ADAM12: variants seen among roughly 807,000 people sequenced by gnomAD.
ADAM12 encodes the protein ADAM metallopeptidase domain 12.
In ADAM12, 70 loss-of-function variants were observed where a neutral mutation model predicts 106.4. The observed-to-expected ratio is 0.66, with a 90% CI of 0.54 to 0.80. The LOEUF (loss-of-function observed/expected upper bound fraction) is 0.80. Among genes scored for constraint, ADAM12 ranks in the 30% least tolerant of loss-of-function variants. The pLI is 0.00. For synonymous variants in ADAM12, 420 were observed against 433.5 expected (o/e 0.97, Z 0.39); for missense variants, 1,010 against 1,171.9 (o/e 0.86, Z 2.02).
chr10:126,189,059 T>C (rs1957450509), intron 3 of ADAM12, among the ~76,000 whole-genome samples: 1 of 152,148 alleles, frequency 6.6e-6, no homozygotes, highest in Non-Finnish European at 1.5e-5. Flanking sequence ...GTCCCTTTTC[T>C]CAAGAAGCCC....
At chr10:126,311,486 G>A (rs776049912) in intron 2 of ADAM12, among the ~76,000 whole-genome samples, 9 of 152,046 alleles carry the variant, frequency 5.9e-5, no homozygotes, top group Admixed American at 2.0e-4. Flanking sequence ...AATTTCTCGG[G>A]TGACAGGAAC....
chr10:126,034,645 C>G (rs1025790755), intron 21 of ADAM12, among the ~76,000 whole-genome samples: 3 of 152,080 alleles, frequency 2.0e-5, no homozygotes, highest in Non-Finnish European at 4.4e-5. Context: ...ATGAAAAAAT[C>G]TATATGCTGT....
intron 21 of ADAM12, among the ~76,000 whole-genome samples, chr10:126,021,203 TG>T (rs1953760995): frequency 6.6e-6 from 1 of 152,088 alleles, no homozygotes; most frequent in East Asian, 1.9e-4. Context: ...GAATGTCTGT[TG>T]GAAATGGTGC....
At chr10:126,355,142 C>T (rs1855494192) in intron 1 of ADAM12, among the ~76,000 whole-genome samples, 1 of 152,006 alleles carries the variant, frequency 6.6e-6, no homozygotes, top group East Asian at 1.9e-4. Context: ...CTTTTATTAT[C>T]AAGAAATATG....
At chr10:126,164,377 C>A (rs1956988908) in intron 3 of ADAM12, among the ~76,000 whole-genome samples, 1 of 152,136 alleles carries the variant, frequency 6.6e-6, no homozygotes, top group Non-Finnish European at 1.5e-5. Flanking sequence ...CCTGGTGGAT[C>A]CATTTGGTAT....
intron 8 of ADAM12, among the ~76,000 whole-genome samples, chr10:126,103,568 G>A (rs192317289): frequency 6.6e-6 from 1 of 152,334 alleles, no homozygotes; most frequent in East Asian, 1.9e-4. Context: ...CAACTCCATG[G>A]CTGGGGTTGG....
At chr10:126,206,854 TGGG>T (rs145374984) in intron 3 of ADAM12, among the ~76,000 whole-genome samples, 1,125 of 81,852 alleles carry the variant, frequency 0.014, 61 homozygotes, top group African/African-American at 0.044. Context: ...CCATGTGTTG[TGGG>T]GGCGGGGGGG....
intron 1 of ADAM12, among the ~76,000 whole-genome samples, chr10:126,380,433 A>G (rs2133934566): frequency 6.6e-6 from 1 of 152,320 alleles, no homozygotes; most frequent in South Asian, 2.1e-4. Context: ...CGTGAGGTAG[A>G]CTAGATTGCC....
chr10:126,272,856 C>G (rs1198121282), intron 3 of ADAM12: 2 of 404,050 alleles, frequency 4.9e-6, no homozygotes, highest in East Asian at 1.6e-4. Flanking sequence ...ATGGCTTCTA[C>G]AGTGTGCTCC....
chr10:126,090,472 C>T lies in ADAM12; in HGVS notation c.1145+3513G>A, dbSNP rs146792367. On this transcript the variant is annotated intron_variant, in intron 11 of 22. Transcript: ENST00000448723. The stretch of plus-strand genomic sequence containing the variant: ...TTCTTACTCCTATAAATGCAGCATA[C>T]GTAGCCCTCACCTCCCTAAGACCAA... 1.5e-3 allele frequency among the ~76,000 whole-genome samples: 231 copies of T among 152,242 alleles called. 1 individual carries two copies. Among genetic ancestry groups the T allele is most frequent in the African/African-American group, 4.9e-3 (204 of 41,536 alleles).
intron 3 of ADAM12, among the ~76,000 whole-genome samples, chr10:126,268,888 T>C (rs1345099748): frequency 6.6e-6 from 1 of 152,112 alleles, no homozygotes; most frequent in Non-Finnish European, 1.5e-5. Flanking sequence ...CAAAAGAGGG[T>C]TCTTGGATCT....
At position 126,095,402 on chromosome 10, in the gene ADAM12, C is replaced by T. The variant is rs565737541; in HGVS notation, c.997-1269G>A. On this transcript the variant is annotated intron_variant, in intron 10 of 22. Coordinates refer to ENST00000448723, the MANE Select transcript of ADAM12 (RefSeq NM_001288973.2). ...ACAAAAAACTAGCCGGGCGTGGTGG[C>T]GGGCGCCTGTAGTCCCAGCTACTCT... Among the ~76,000 whole-genome samples, 12 of 151,848 alleles carry T rather than the reference C, an allele frequency of 7.9e-5. No individual in the cohort carries two copies. In the South Asian group the frequency reaches 2.1e-3, roughly 26 times the overall value.
intron 6 of ADAM12, among the ~76,000 whole-genome samples, chr10:126,114,170 A>C (rs1158269345): frequency 6.6e-6 from 1 of 152,168 alleles, no homozygotes; most frequent in Non-Finnish European, 1.5e-5. Context: ...ATATCCACAC[A>C]GGATACAGCC....
At position 126,043,893 on chromosome 10, in the gene ADAM12, A is replaced by G. The variant is rs1954244807; in HGVS notation, c.1996-745T>C. Among the ~76,000 whole-genome samples the G allele has an allele frequency of 6.6e-6, 1 of 152,100 alleles. No homozygotes were observed. ...ATGGTTCTGGCACGGCGGGAAAGGG[A>G]GACCAAGAAAGCCCGAGGAGGCTGT... On this transcript the variant is annotated intron_variant, in intron 17 of 22. Coordinates refer to ENST00000448723, the MANE Select transcript of ADAM12 (RefSeq NM_001288973.2). This position sits in a 1 kb window ranked among gnomAD's most constrained non-coding sequence, Gnocchi z 4.1.
intron 3 of ADAM12, among the ~76,000 whole-genome samples, chr10:126,189,305 G>A (rs749129015): frequency 2.0e-5 from 3 of 152,182 alleles, no homozygotes; most frequent in Non-Finnish European, 2.9e-5. Context: ...TCCAGGAATG[G>A]GGAGAAGTTC....
Position 126,064,378 on chromosome 10 carries a change from A to G in ADAM12, c.1609+428T>C, listed in dbSNP as rs908106089. Reference sequence around the variant, plus strand: ...ACTAAAATCTCAGTGGTGGTGGGAAAGTTCTGTCTGTCTGTCCAACTACGT... The same window carrying G: ...ACTAAAATCTCAGTGGTGGTGGGAAGGTTCTGTCTGTCTGTCCAACTACGT... On this transcript the variant is annotated intron_variant, in intron 14 of 22. Transcript: ENST00000448723. This position sits in a 1 kb window ranked among gnomAD's most constrained non-coding sequence, Gnocchi z 4.4. Among the ~76,000 whole-genome samples, 1 of 152,156 alleles carries G rather than the reference A, an allele frequency of 6.6e-6. No individual in the cohort carries two copies. The highest frequency in any genetic ancestry group is 2.4e-5 in the African/African-American group (1 of 41,432).
At chr10:126,175,755 G>A (rs189211259) in intron 3 of ADAM12, among the ~76,000 whole-genome samples, 2 of 152,236 alleles carry the variant, frequency 1.3e-5, no homozygotes, top group Non-Finnish European at 2.9e-5. Context: ...AAGAGCAGGG[G>A]CTTCCACTGC....
chr10:126,219,201 C>T (rs1051157829), intron 3 of ADAM12, among the ~76,000 whole-genome samples: 1 of 152,194 alleles, frequency 6.6e-6, no homozygotes, highest in Non-Finnish European at 1.5e-5. Flanking sequence ...GCTACAACTT[C>T]CAAAGGATTT....
chr10:126,038,304 C>T lies in ADAM12; in HGVS notation c.2286G>A (p.Gln762=), dbSNP rs770654398. Reference sequence around the variant, plus strand: ...CTTTTCCAAGGTGGCCGAGGTGAGCCTGACAGGGTTGGAAGCCACGGGGTG... The same window carrying T: ...CTTTTCCAAGGTGGCCGAGGTGAGCTTGACAGGGTTGGAAGCCACGGGGTG... ...SRPPRGFQPC[Q]AHLGHLGKGL... Residue 762 remains glutamine, a synonymous_variant, in exon 20 of 23, where the codon CAG becomes CAA. Coordinates refer to ENST00000448723, the MANE Select transcript of ADAM12 (RefSeq NM_001288973.2). 1 of 1,611,548 alleles carries T rather than the reference C, an allele frequency of 6.2e-7. No individual in the cohort carries two copies. The highest frequency in any genetic ancestry group is 1.7e-5 in the Admixed American group (1 of 59,808).
Sources: gnomAD v4.1 joint callset for allele counts (sites outside exome capture counted in the v4.1 genomes callset) on GRCh38, gnomAD v4.1.1 for gene constraint, Gnocchi (gnomAD v3.1) non-coding constraint, MANE v1.5 for transcripts, NCBI Gene and HGNC (gene_info 2026-07-23, HGNC 2026-07-21) for gene names.